Variants in RNF220 observed in about 807,000 individuals in gnomAD.
The protein encoded by RNF220 is E3 ubiquitin-protein ligase RNF220.
RNF220 carries 7 observed loss-of-function variants against 67.1 expected under a neutral mutation model. That is an observed-to-expected ratio of 0.10 (90% CI 0.06 to 0.20). The LOEUF is 0.20. Among genes scored for constraint, RNF220 ranks in the 10% least tolerant of loss-of-function variants. The pLI is 1.00. For synonymous variants in RNF220, 270 were observed against 283.2 expected, an observed-to-expected ratio of 0.95 and a Z score of 0.47; for missense variants, 565 against 740.3, an observed-to-expected ratio of 0.76 and a Z score of 2.75.
At chr1:44,504,002 A>T (rs890466109) in intron 2 of RNF220, among the ~76,000 whole-genome samples, 2 of 152,102 alleles carry the variant, frequency 1.3e-5, no homozygotes, top group African/African-American at 4.8e-5. Context: ...GGTGCGTGCC[A>T]CCATGCCCAG....
rs1335888813 is a variant in RNF220 at position 44,435,816 on chromosome 1, G to C, written c.625+23094G>C. 3.3e-5 allele frequency among the ~76,000 whole-genome samples: 5 copies of C among 152,210 alleles called. No individual in the cohort carries two copies. The East Asian group carries it at 7.7e-4, about 23-fold the overall frequency. ...ATGGTGGCATATGCCTTTAATCCCA[G>C]CTACTCGGGAGGCTGAGGCAGGAGA... On this transcript the variant is annotated intron_variant, in intron 2 of 14. Coordinates refer to ENST00000361799, the MANE Select transcript of RNF220 (RefSeq NM_018150.4).
chr1:44,490,298 G>A (rs554807277), intron 2 of RNF220, among the ~76,000 whole-genome samples: 21 of 151,530 alleles, frequency 1.4e-4, no homozygotes, highest in South Asian at 4.2e-4. Flanking sequence ...ATGAAACCCC[G>A]TCTCTAGTAA....
At chr1:44,423,369 C>T (rs1484988567) in intron 2 of RNF220, among the ~76,000 whole-genome samples, 2 of 152,152 alleles carry the variant, frequency 1.3e-5, no homozygotes, top group Admixed American at 1.3e-4. Context: ...TGAGACCTGA[C>T]CTTGGATGTC....
chr1:44,504,720 C>T (rs1336463062), intron 2 of RNF220, among the ~76,000 whole-genome samples: 1 of 152,194 alleles, frequency 6.6e-6, no homozygotes, highest in Admixed American at 6.5e-5. Flanking sequence ...GTCTCATTGG[C>T]ATCAGTATCT....
intron 2 of RNF220, among the ~76,000 whole-genome samples, chr1:44,594,278 C>A (rs1440068938): frequency 6.6e-6 from 1 of 152,082 alleles, no homozygotes; most frequent in Non-Finnish European, 1.5e-5. Context: ...CCCCCTCCCT[C>A]CTTGTTACTT....
chr1:44,546,389 C>T (rs1251417679), intron 2 of RNF220, among the ~76,000 whole-genome samples: 1 of 152,192 alleles, frequency 6.6e-6, no homozygotes, highest in African/African-American at 2.4e-5. Flanking sequence ...AGGAGCCACA[C>T]AGGAGCTTTC....
chr1:44,421,516 C>G (rs923188807), intron 2 of RNF220, among the ~76,000 whole-genome samples: 6 of 151,310 alleles, frequency 4.0e-5, no homozygotes, highest in Admixed American at 1.3e-4. Context: ...GATGGATTGT[C>G]TCTGCTTGGG....
At chr1:44,515,251 C>T (rs16832024) in intron 2 of RNF220, among the ~76,000 whole-genome samples, 23,835 of 152,006 alleles carry the variant, frequency 0.16, 2,320 homozygotes, top group Non-Finnish European at 0.21. Context: ...TCACTGGGGA[C>T]GGGAGAAGGG....
intron 2 of RNF220, among the ~76,000 whole-genome samples, chr1:44,552,790 C>T (rs1662764854): frequency 2.6e-5 from 4 of 151,844 alleles, no homozygotes; most frequent in East Asian, 3.9e-4. Context: ...AGGATGGCCT[C>T]GATCTCTTGA....
At chr1:44,509,948 A>G (rs1658836012) in intron 2 of RNF220, among the ~76,000 whole-genome samples, 2 of 151,024 alleles carry the variant, frequency 1.3e-5, no homozygotes, top group Admixed American at 1.3e-4. Flanking sequence ...AGAAAAGAAA[A>G]TCAGCATAGA....
intron 12 of RNF220, among the ~76,000 whole-genome samples, chr1:44,646,814 C>T (rs1644664514): frequency 6.6e-6 from 1 of 152,236 alleles, no homozygotes; most frequent in African/African-American, 2.4e-5. Flanking sequence ...GAGCTCTCCA[C>T]TGGGTCTGGA....
chr1:44,523,911 G>A (rs1660143473), intron 2 of RNF220, among the ~76,000 whole-genome samples: 1 of 152,214 alleles, frequency 6.6e-6, no homozygotes, highest in Non-Finnish European at 1.5e-5. Context: ...TATTTTAATG[G>A]CATAGTCCGC....
intron 2 of RNF220, among the ~76,000 whole-genome samples, chr1:44,605,244 A>G (rs192897375): frequency 1.1e-3 from 161 of 150,402 alleles, no homozygotes; most frequent in African/African-American, 3.9e-3. Context: ...GGTTGCAGTG[A>G]GCTGAGATCA....
chr1:44,464,051 G>C (rs1211916644), intron 2 of RNF220, among the ~76,000 whole-genome samples: 1 of 152,122 alleles, frequency 6.6e-6, no homozygotes, highest in African/African-American at 2.4e-5. Context: ...GAAAGGAGGG[G>C]GCATACTATG....
intron 2 of RNF220, among the ~76,000 whole-genome samples, chr1:44,513,273 C>A (rs1238573296): frequency 6.6e-6 from 1 of 152,202 alleles, no homozygotes; most frequent in Non-Finnish European, 1.5e-5. Flanking sequence ...AAAGGGGAAG[C>A]AAGTGGCAAG....
intron 2 of RNF220, among the ~76,000 whole-genome samples, chr1:44,454,115 T>C (rs189465122): frequency 1.3e-5 from 2 of 152,284 alleles, no homozygotes. Context: ...GTCTCAGGGA[T>C]CTTCACATAT....
chr1:44,412,574 T>G lies in RNF220; in HGVS notation c.477T>G (p.Asp159Glu). The G allele has an allele frequency of 6.2e-7, 1 of 1,614,168 alleles. No individual in the cohort carries two copies. The highest frequency in any genetic ancestry group is 8.5e-7 in the Non-Finnish European group (1 of 1,180,030). The change falls in exon 2 of 15, where the codon GAT (aspartate) becomes GAG (glutamate). Residue 159 changes from aspartate to glutamate, a missense_variant. Asp to Glu is a conservative substitution (Grantham distance 45). Transcript: ENST00000361799. This position sits in a 1 kb window ranked among gnomAD's most constrained non-coding sequence, Gnocchi z 5.3. ...CCCACTTGCGCTTCTCAGATGCAGA[T>G]GGCAAGGAATATGACTTTGGGACAC... ...ESPHLRFSDA[D>E]GKEYDFGTQL...
At chr1:44,574,835 TTTG>T (rs71036685) in intron 2 of RNF220, among the ~76,000 whole-genome samples, 146,983 of 151,708 alleles carry the variant, frequency 0.97, 71,391 homozygotes, top group East Asian at 1. Context: ...TTGCTGTGGT[TTTG>T]TTGTTGTTGT....
At chr1:44,629,631 A>C (rs1644056692) in intron 5 of RNF220, among the ~76,000 whole-genome samples, 1 of 152,178 alleles carries the variant, frequency 6.6e-6, no homozygotes, top group African/African-American at 2.4e-5. Flanking sequence ...TGAGGCCAGG[A>C]GTTCAAGACC....
Sources: gnomAD v4.1 joint callset for allele counts (sites outside exome capture counted in the v4.1 genomes callset) on GRCh38, gnomAD v4.1.1 for gene constraint, Gnocchi (gnomAD v3.1) non-coding constraint, MANE v1.5 for transcripts, NCBI Gene and HGNC (gene_info 2026-07-23, HGNC 2026-07-21) for gene names.